SHH: variants seen among roughly 807,000 people sequenced by gnomAD.
SHH encodes sonic hedgehog protein.
SHH carries 3 observed loss-of-function variants against 16.6 expected under a neutral mutation model. The ratio of observed to expected loss-of-function variants is 0.18; its 90% CI spans 0.08 to 0.47. SHH has a LOEUF of 0.47. SHH is among the 20% of genes least tolerant of loss of function. The pLI, the probability that SHH is intolerant of heterozygous loss-of-function variation, is 0.98. For missense variants in SHH, 499 were observed against 665.0 expected (o/e 0.75, Z 2.75); for synonymous variants, 351 against 316.2 (o/e 1.11, Z -1.17).
At chr7:155,806,078 G>A (rs1157053623) in intron 2 of SHH, among the ~76,000 whole-genome samples, 7 of 152,208 alleles carry the variant, frequency 4.6e-5, no homozygotes, top group Non-Finnish European at 1.0e-4. Flanking sequence ...CCCCATCTCG[G>A]GGCATGGAGA....
Position 155,802,891 on chromosome 7 carries a change from C to T in SHH, c.*9G>A, listed in dbSNP as rs753281270. On this transcript the variant is annotated 3_prime_UTR_variant, in exon 3 of 3. Transcript: ENST00000297261. ...CCCCCTCCCGCGCCCCTCCCCCGGC[C>T]CCCCGGCTTCAGCTGGACTTGACCG... 1.5e-6 allele frequency: 2 copies of T among 1,361,544 alleles called. No homozygotes were observed. Among genetic ancestry groups the T allele is most frequent in the South Asian group, 2.0e-5 (1 of 49,350 alleles). 84.3% of individuals were successfully genotyped at this position (1,361,544 alleles called of 1,614,324 possible).
In SHH at chr7:155,803,659, G is replaced by T; in HGVS notation, c.630C>A (p.Gly210=). ...PGSATVHLEQ[G]GTKLVKDLSP... is the part of the protein sequence containing the mutation. The stretch of plus-strand genomic sequence containing the variant: ...TCAGGTCCTTCACCAGCTTGGTGCC[G>T]CCCTGCTCCAGGTGCACCGTGGCCG... The change falls in exon 3 of 3, where the codon GGC becomes GGA. Residue 210 remains glycine, a synonymous_variant. Coordinates refer to ENST00000297261, the MANE Select transcript of SHH (RefSeq NM_000193.4). 1.3e-6 allele frequency: 2 copies of T among 1,597,626 alleles called. No individual in the cohort carries two copies. The highest frequency in any genetic ancestry group is 1.1e-5 in the South Asian group (1 of 90,776).
rs1803215280 is a variant in SHH at position 155,802,723 on chromosome 7, A to G, written c.*177T>C. The G allele has an allele frequency of 9.4e-6, 4 of 425,560 alleles. No individual in the cohort carries two copies. Among genetic ancestry groups the G allele is most frequent in the Non-Finnish European group, 1.6e-5 (4 of 250,944 alleles). 26.4% of individuals were successfully genotyped at this position (425,560 alleles called of 1,614,324 possible). On this transcript the variant is annotated 3_prime_UTR_variant, in exon 3 of 3. Coordinates refer to ENST00000297261, the MANE Select transcript of SHH (RefSeq NM_000193.4). Reference sequence around the variant, plus strand: ...TATATATCAACTAAGCACAACAACAAAACTTCCCGGGGTCCTTGTTTCCTT... The same window carrying G: ...TATATATCAACTAAGCACAACAACAGAACTTCCCGGGGTCCTTGTTTCCTT...
At chr7:155,811,780 C>T (rs1213957717) in intron 1 of SHH, 43 bp downstream of exon 1, 1 of 1,593,594 alleles carries the variant, frequency 6.3e-7, no homozygotes. Context: ...CTCGTAACCC[C>T]CTGGAAAGCC....
Position 155,803,340 on chromosome 7 carries a change from C to T in SHH, c.949G>A (p.Val317Met), listed in dbSNP as rs1584796987. Residue 317 changes from valine (V) to methionine (M), a missense_variant, in exon 3 of 3, where the codon GTG (valine) becomes ATG (methionine). Coordinates refer to ENST00000297261, the MANE Select transcript of SHH (RefSeq NM_000193.4). ...SRVRPGQRVYVVAERDGDRRL... is the reference protein window; with the variant it reads ...SRVRPGQRVYMVAERDGDRRL... ...CGGTCCCCGTCACGCTCGGCCACCACGTACACGCGCTGGCCCGGGCGCACG... is the reference window on the plus strand; with the variant it reads ...CGGTCCCCGTCACGCTCGGCCACCATGTACACGCGCTGGCCCGGGCGCACG... The T allele has an allele frequency of 1.4e-6, 2 of 1,473,288 alleles. No homozygotes were observed. The highest frequency in any genetic ancestry group is 1.8e-6 in the Non-Finnish European group (2 of 1,120,844). 91.3% of individuals were successfully genotyped at this position (1,473,288 alleles called of 1,614,324 possible). A position where few individuals can be genotyped will look rare whatever the true frequency, so the allele number is the denominator to read the frequency against.
rs1803459791 is a variant in SHH, at chr7:155,809,712, C to T, written c.300+2111G>A. ...AGGAAAAAAGTATTTGTTTTCGTTT[C>T]GTTCGTCTGAGGGAAGTTGACAGAA... On this transcript the variant is annotated intron_variant, in intron 1 of 2. Coordinates refer to ENST00000297261, the MANE Select transcript of SHH (RefSeq NM_000193.4). The surrounding 1 kb of genome is among the most constrained non-coding windows in gnomAD (Gnocchi z 6.1). Among the ~76,000 whole-genome samples the T allele has an allele frequency of 6.6e-6, 1 of 152,178 alleles. No homozygotes were observed. The highest frequency in any genetic ancestry group is 1.5e-5 in the Non-Finnish European group (1 of 68,030).
chr7:155,811,589 G>A (rs1245009150), intron 1 of SHH, among the ~76,000 whole-genome samples: 1 of 152,050 alleles, frequency 6.6e-6, no homozygotes, highest in Non-Finnish European at 1.5e-5. Context: ...AATGAACCAC[G>A]TCTGTTACCG....
In SHH at chr7:155,806,306, C is replaced by T. The variant is rs763853851; in HGVS notation, c.552G>A (p.Ser184=). ...CCAGGGCCAGCTTACCTGCTTTCAC[C>T]GAGCAGTGGATATGTGCCTTGGACT... The part of the protein sequence containing the change: ...YYESKAHIHC[S]VKAENSVAAK... Residue 184 remains serine, a synonymous_variant, in exon 2 of 3, where the codon TCG becomes TCA. Coordinates refer to ENST00000297261, the MANE Select transcript of SHH (RefSeq NM_000193.4). 6 of 1,613,130 alleles carry T rather than the reference C, an allele frequency of 3.7e-6. No individual in the cohort carries two copies. The highest frequency in any genetic ancestry group is 5.1e-6 in the Non-Finnish European group (6 of 1,180,046).
rs546137634 is a variant in SHH at position 155,800,347 on chromosome 7, C to T, written c.*2553G>A. ...CCCAGCAGCACGGACACTCTGCCAC[C>T]GGGCCTGTCCAGGAGGGAGTGCCAC... On this transcript the variant is annotated 3_prime_UTR_variant, in exon 3 of 3. Transcript: ENST00000297261. 4.1e-5 allele frequency: 17 copies of T among 411,010 alleles called. No homozygotes were observed. Among genetic ancestry groups the T allele is most frequent in the East Asian group, 7.1e-5 (1 of 14,054 alleles). 25.5% of individuals were successfully genotyped at this position (411,010 alleles called of 1,614,324 possible). A position where few individuals can be genotyped will look rare whatever the true frequency, so the allele number is the denominator to read the frequency against.
At position 155,802,894 on chromosome 7, in the gene SHH, C is replaced by T. The variant is rs1204554790; in HGVS notation, c.*6G>A. On this transcript the variant is annotated 3_prime_UTR_variant, in exon 3 of 3. Transcript: ENST00000297261. Reference sequence around the variant, plus strand: ...CCTCCCGCGCCCCTCCCCCGGCCCCCCGGCTTCAGCTGGACTTGACCGCCA... The same window carrying T: ...CCTCCCGCGCCCCTCCCCCGGCCCCTCGGCTTCAGCTGGACTTGACCGCCA... The T allele has an allele frequency of 3.6e-6, 5 of 1,375,078 alleles. No homozygotes were observed. The highest frequency in any genetic ancestry group is 2.0e-5 in the South Asian group (1 of 50,998). 85.2% of individuals were successfully genotyped at this position (1,375,078 alleles called of 1,614,324 possible). A position where few individuals can be genotyped will look rare whatever the true frequency, so the allele number is the denominator to read the frequency against.
chr7:155,803,813 G>T, intron 2 of SHH, 87 bp from the exon 3 acceptor site: 1 of 1,209,774 alleles, frequency 8.3e-7, no homozygotes, highest in Non-Finnish European at 1.2e-6. Context: ...GCGCACGCTT[G>T]GTGCCCGCGC....
chr7:155,808,015 C>A (rs1035865459), intron 1 of SHH, among the ~76,000 whole-genome samples: 2 of 151,926 alleles, frequency 1.3e-5, no homozygotes, highest in Non-Finnish European at 2.9e-5. Flanking sequence ...TGACAAATTG[C>A]GCAACAGGAA....
Position 155,807,951 on chromosome 7 carries a change from C to T in SHH, c.301-1394G>A, listed in dbSNP as rs1261971118. The stretch of plus-strand genomic sequence containing the variant: ...GTAGCGTGGGTTGGGGGGACTCTTT[C>T]GAGAGGGTGGGGCGAGGACGCTGGC... On this transcript the variant is annotated intron_variant, in intron 1 of 2. Transcript: ENST00000297261. This position sits in a 1 kb window ranked among gnomAD's most constrained non-coding sequence, Gnocchi z 7.1. 1.3e-5 allele frequency among the ~76,000 whole-genome samples: 2 copies of T among 151,954 alleles called. No individual in the cohort carries two copies. Among genetic ancestry groups the T allele is most frequent in the Non-Finnish European group, 1.5e-5 (1 of 68,000 alleles).
rs1803459218 is a variant in SHH at position 155,809,688 on chromosome 7, G to T, written c.300+2135C>A. Among the ~76,000 whole-genome samples, 1 of 152,034 alleles carries T rather than the reference G, an allele frequency of 6.6e-6. No individual in the cohort carries two copies. Among genetic ancestry groups the T allele is most frequent in the Non-Finnish European group, 1.5e-5 (1 of 67,970 alleles). On this transcript the variant is annotated intron_variant, in intron 1 of 2. Transcript: ENST00000297261. The surrounding 1 kb of genome is among the most constrained non-coding windows in gnomAD (Gnocchi z 6.1). ...GGGAACGGGAATAGCCACTGCCCAA[G>T]GAAAAAAGTATTTGTTTTCGTTTCG... is the stretch of plus-strand genomic sequence containing the variant.
rs1336659272 is a variant in SHH, at chr7:155,800,012, CAAT to C, written c.*2885_*2887del. On this transcript the variant is annotated 3_prime_UTR_variant, in exon 3 of 3. Transcript: ENST00000297261. ...TCTGTAATTTCTTTAATTATTCAAA[CAAT>C]AGAGCACAAAGATAACAGTTTCAAG... The C allele has an allele frequency of 2.1e-6, 1 of 470,010 alleles. No homozygotes were observed. The highest frequency in any genetic ancestry group is 4.4e-6 in the Non-Finnish European group (1 of 226,138). 29.1% of individuals were successfully genotyped at this position (470,010 alleles called of 1,614,324 possible). A position where few individuals can be genotyped will look rare whatever the true frequency, so the allele number is the denominator to read the frequency against.
In SHH at chr7:155,803,083, G is replaced by A. The variant is rs1251153385; in HGVS notation, c.1206C>T (p.Gly402=). The A allele has an allele frequency of 6.6e-6, 9 of 1,354,286 alleles. No individual in the cohort carries two copies. Among genetic ancestry groups the A allele is most frequent in the Middle Eastern group, 2.5e-4 (1 of 4,078 alleles). The allele number at this position is 1,354,286 out of a possible 1,614,324, so 83.9% of individuals were successfully genotyped here. A position where few individuals can be genotyped will look rare whatever the true frequency, so the allele number is the denominator to read the frequency against. ...CGCCGCCGCCCCCGCGGTCCCCGCC[G>A]CCGCTGTCCCCGCCGCGGTCCGTGC... ...PARTDRGGDS[G]GGDRGGGGGR... Residue 402 remains glycine, a synonymous_variant, in exon 3 of 3, where the codon GGC becomes GGT. Coordinates refer to ENST00000297261, the MANE Select transcript of SHH (RefSeq NM_000193.4).
In SHH at chr7:155,803,026, G is replaced by C. The variant is rs755577298; in HGVS notation, c.1263C>G (p.Ala421=). The change falls in exon 3 of 3, where the codon GCC becomes GCG. Residue 421 remains alanine (A), a synonymous_variant. Coordinates refer to ENST00000297261, the MANE Select transcript of SHH (RefSeq NM_000193.4). ...CGGTGGCCCCCGCACCCGGAGCGTC[G>C]GCAGCACCTGGAGCGGTTAGGGCTA... The part of the protein sequence containing the change: ...GRVALTAPGA[A]DAPGAGATAG... 13 of 1,561,714 alleles carry C rather than the reference G, an allele frequency of 8.3e-6. No individual in the cohort carries two copies. Among genetic ancestry groups the C allele is most frequent in the Admixed American group, 1.8e-5 (1 of 54,116 alleles).
At chr7:155,810,545 C>T (rs1803500632) in intron 1 of SHH, among the ~76,000 whole-genome samples, 1 of 152,242 alleles carries the variant, frequency 6.6e-6, no homozygotes, top group Non-Finnish European at 1.5e-5. Context: ...ACTCGCGGTC[C>T]AGATTTAAGG....
At chr7:155,811,033 C>G (rs1216905982) in intron 1 of SHH, among the ~76,000 whole-genome samples, 2 of 152,230 alleles carry the variant, frequency 1.3e-5, no homozygotes, top group African/African-American at 4.8e-5. Flanking sequence ...AATTCTTATG[C>G]AAGCAGGTTG....
Sources: gnomAD v4.1 joint callset for allele counts (sites outside exome capture counted in the v4.1 genomes callset) on GRCh38, gnomAD v4.1.1 for gene constraint, Gnocchi (gnomAD v3.1) non-coding constraint, MANE v1.5 for transcripts, NCBI Gene and HGNC (gene_info 2026-07-23, HGNC 2026-07-21) for gene names.